Variants in LOC128092252 observed in about 807,000 individuals in gnomAD.
the LOC128092252 span, among the ~76,000 whole-genome samples, chr15:50,669,378 T>C: frequency 2.0e-5 from 3 of 151,880 alleles, no homozygotes; most frequent in Non-Finnish European, 4.4e-5. Flanking sequence ...GAGGCTGCAG[T>C]GAGCCGAGGT....
At chr15:50,681,843 G>T in the LOC128092252 span, among the ~76,000 whole-genome samples, 2 of 152,156 alleles carry the variant, frequency 1.3e-5, no homozygotes, top group Admixed American at 6.6e-5. Flanking sequence ...AGGTCAAGTA[G>T]GGAAAAGATT....
the LOC128092252 span, among the ~76,000 whole-genome samples, chr15:50,682,217 CAA>C: frequency 3.4e-4 from 45 of 131,318 alleles, 1 homozygote; most frequent in Non-Finnish European, 6.2e-4. Flanking sequence ...AAAAATATGT[CAA>C]GAGTCAAGTC....
chr15:50,654,319 C>T, the LOC128092252 span, among the ~76,000 whole-genome samples: 2 of 150,968 alleles, frequency 1.3e-5, no homozygotes, highest in South Asian at 2.1e-4. Flanking sequence ...TGGTGGTGTG[C>T]GCCTGTAATC....
At chr15:50,659,856 C>T in the LOC128092252 span, among the ~76,000 whole-genome samples, 8 of 152,088 alleles carry the variant, frequency 5.3e-5, no homozygotes, top group East Asian at 1.5e-3. Context: ...TTAGTAGAGA[C>T]GCGGTTTCAC....
At chr15:50,679,355 T>C in the LOC128092252 span, among the ~76,000 whole-genome samples, 1 of 149,540 alleles carries the variant, frequency 6.7e-6, no homozygotes, top group East Asian at 1.9e-4. Context: ...AACAGAAAAC[T>C]TGGACGCTTG....
the LOC128092252 span, chr15:50,657,785 C>G: frequency 6.2e-7 from 1 of 1,610,956 alleles, no homozygotes; most frequent in South Asian, 1.1e-5. Flanking sequence ...ACTTACCTGA[C>G]GAGTTGCTGA....
the LOC128092252 span, among the ~76,000 whole-genome samples, chr15:50,679,749 G>A: frequency 6.6e-6 from 1 of 150,562 alleles, no homozygotes; most frequent in African/African-American, 2.5e-5. Context: ...TGGCCAGGCT[G>A]GTCTCAAACT....
At chr15:50,683,029 C>A in the LOC128092252 span, among the ~76,000 whole-genome samples, 2 of 151,718 alleles carry the variant, frequency 1.3e-5, no homozygotes, top group East Asian at 3.9e-4. Context: ...ACCACAGGTG[C>A]GCATCACCAT....
At chr15:50,679,538 A>ATATAT in the LOC128092252 span, among the ~76,000 whole-genome samples, 17 of 43,892 alleles carry the variant, frequency 3.9e-4, 1 homozygote, top group African/African-American at 1.6e-3. Flanking sequence ...ATATATATAT[A>ATATAT]TTTTTTTTTT....
At chr15:50,671,835 T>G in the LOC128092252 span, among the ~76,000 whole-genome samples, 5,297 of 152,104 alleles carry the variant, frequency 0.035, 307 homozygotes, top group African/African-American at 0.12. Context: ...CCTACTAACA[T>G]CGCAGCCATC....
the LOC128092252 span, among the ~76,000 whole-genome samples, chr15:50,662,314 A>G: frequency 6.6e-6 from 1 of 150,780 alleles, no homozygotes; most frequent in East Asian, 1.9e-4. Flanking sequence ...ACGACAGAGC[A>G]AGACTCTGTT....
chr15:50,657,010 A>C, the LOC128092252 span, among the ~76,000 whole-genome samples: 1 of 152,124 alleles, frequency 6.6e-6, no homozygotes, highest in South Asian at 2.1e-4. Context: ...TCCAATCTAA[A>C]AATGCAAACT....
At chr15:50,655,301 C>T in the LOC128092252 span, among the ~76,000 whole-genome samples, 2 of 151,382 alleles carry the variant, frequency 1.3e-5, no homozygotes, top group African/African-American at 2.4e-5. Context: ...GGCATGGTGG[C>T]ATGCGTCTGT....
At chr15:50,672,005 G>A in the LOC128092252 span, among the ~76,000 whole-genome samples, 1 of 152,136 alleles carries the variant, frequency 6.6e-6, no homozygotes, top group Non-Finnish European at 1.5e-5. Context: ...GTATTTACTA[G>A]ACTACGCTTT....
chr15:50,677,718 A>C, the LOC128092252 span, among the ~76,000 whole-genome samples: 4 of 147,936 alleles, frequency 2.7e-5, no homozygotes, highest in East Asian at 8.0e-4. Context: ...CAGCCTGGGC[A>C]ACAGAACAAG....
At chr15:50,657,061 C>T in the LOC128092252 span, among the ~76,000 whole-genome samples, 1 of 152,172 alleles carries the variant, frequency 6.6e-6, no homozygotes, top group African/African-American at 2.4e-5. Flanking sequence ...TGGTGGCTCA[C>T]ACCTGTAATC....
the LOC128092252 span, among the ~76,000 whole-genome samples, chr15:50,663,917 C>T: frequency 6.6e-6 from 1 of 152,074 alleles, no homozygotes; most frequent in Admixed American, 6.6e-5. Flanking sequence ...CAGCCATGAT[C>T]AGGCCACTGC....
the LOC128092252 span, among the ~76,000 whole-genome samples, chr15:50,668,281 A>G: frequency 6.6e-6 from 1 of 152,240 alleles, no homozygotes; most frequent in African/African-American, 2.4e-5. Context: ...AGTTAACTTC[A>G]TGGACTGAAT....
At chr15:50,665,793 A>G in the LOC128092252 span, among the ~76,000 whole-genome samples, 1 of 151,982 alleles carries the variant, frequency 6.6e-6, no homozygotes, top group Non-Finnish European at 1.5e-5. Flanking sequence ...TCAGGAGCTC[A>G]AGACCAGCCT....
Sources: allele counts gnomAD v4.1 joint callset (sites outside exome capture counted in the v4.1 genomes callset), GRCh38; gene constraint gnomAD v4.1.1; transcripts MANE v1.5.